Variants in KCNMA1 observed in about 807,000 individuals in gnomAD.
The protein encoded by KCNMA1 is Calcium-activated potassium channel subunit alpha-1.
Under a neutral mutation model 140.0 loss-of-function variants are expected in KCNMA1, and 29 were observed. The observed-to-expected ratio is 0.21, with a 90% CI of 0.15 to 0.28. KCNMA1 has a LOEUF of 0.28. Among genes scored for constraint, KCNMA1 ranks in the 10% least tolerant of loss-of-function variants. KCNMA1 has a pLI of 1.00. For synonymous variants in KCNMA1, 612 were observed against 611.9 expected, an observed-to-expected ratio of 1.00 and a Z score of 0.00; for missense variants, 880 against 1,602.2, an observed-to-expected ratio of 0.55 and a Z score of 7.70.
chr10:77,515,349 C>A lies in KCNMA1; in HGVS notation c.379-111326G>T, dbSNP rs538785347. ...CAATCCAGATTTTTATCCAAAATCT[C>A]CTTTGTAAATATAGGCAATTGATGA... On this transcript the variant is annotated intron_variant, in intron 1 of 27. Transcript: ENST00000286628. Among the ~76,000 whole-genome samples the A allele has an allele frequency of 4.6e-5, 7 of 152,136 alleles. 1 individual carries two copies. The South Asian group carries it at 1.5e-3, about 32-fold the overall frequency.
chr10:76,887,058 C>T lies in KCNMA1; in HGVS notation c.*208G>A. The T allele has an allele frequency of 2.0e-6, 3 of 1,474,546 alleles. No individual in the cohort carries two copies. The highest frequency in any genetic ancestry group is 2.7e-6 in the Non-Finnish European group (3 of 1,114,578). The allele number at this position is 1,474,546 out of a possible 1,614,324, so 91.3% of individuals were successfully genotyped here. A position where few individuals can be genotyped will look rare whatever the true frequency, so the allele number is the denominator to read the frequency against. On this transcript the variant is annotated 3_prime_UTR_variant, in exon 28 of 28. Coordinates refer to ENST00000286628, the MANE Select transcript of KCNMA1 (RefSeq NM_001161352.2). ...CCCAGAATCATAAATAACTTTTGGT[C>T]CGTCTGCTTATTTGCTGTTGTGCTC...
At position 77,619,222 on chromosome 10, in the gene KCNMA1, C is replaced by T. The variant is rs371482232; in HGVS notation, c.378+18043G>A. Among the ~76,000 whole-genome samples, 17 of 152,240 alleles carry T rather than the reference C, an allele frequency of 1.1e-4. No individual in the cohort carries two copies. In the East Asian group the frequency reaches 1.4e-3, roughly 12 times the overall value. ...AGGGATCAGCTGGTGGGTTCATCTC[C>T]AATCTATGTCAACTGGGGTTGGAGG... On this transcript the variant is annotated intron_variant, in intron 1 of 27. Transcript: ENST00000286628.
At chr10:77,253,534 C>T (rs2060096245) in intron 2 of KCNMA1, among the ~76,000 whole-genome samples, 1 of 152,204 alleles carries the variant, frequency 6.6e-6, no homozygotes, top group African/African-American at 2.4e-5. Flanking sequence ...CTAATGCATT[C>T]CTTATTTAAG....
At chr10:77,547,164 G>A (rs2061623023) in intron 1 of KCNMA1, among the ~76,000 whole-genome samples, 1 of 152,120 alleles carries the variant, frequency 6.6e-6, no homozygotes, top group South Asian at 2.1e-4. Flanking sequence ...TACTAGGAGT[G>A]TTCAAATTTC....
rs550620135 is a variant in KCNMA1 at position 77,275,970 on chromosome 10, T to C, written c.541-24714A>G. On this transcript the variant is annotated intron_variant, in intron 2 of 27. Coordinates refer to ENST00000286628, the MANE Select transcript of KCNMA1 (RefSeq NM_001161352.2). Reference sequence around the variant, plus strand: ...GGGAATCCTCACCAGCCCTGTCCCATGTCAAGTTCTTTATGCCTCTGAACC... The same window carrying C: ...GGGAATCCTCACCAGCCCTGTCCCACGTCAAGTTCTTTATGCCTCTGAACC... Among the ~76,000 whole-genome samples, 7 of 152,336 alleles carry C rather than the reference T, an allele frequency of 4.6e-5. No homozygotes were observed. The South Asian group carries it at 1.4e-3, about 32-fold the overall frequency.
chr10:77,062,457 G>T (rs1309807154), intron 14 of KCNMA1, among the ~76,000 whole-genome samples: 1 of 152,112 alleles, frequency 6.6e-6, no homozygotes, highest in Non-Finnish European at 1.5e-5. Context: ...CTATCATACT[G>T]CACTGTAACC....
intron 14 of KCNMA1, among the ~76,000 whole-genome samples, chr10:77,046,403 A>G (rs1159083684): frequency 6.6e-6 from 1 of 152,186 alleles, no homozygotes; most frequent in Non-Finnish European, 1.5e-5. Flanking sequence ...AAAACCCCAC[A>G]AAATGTGTCA....
At chr10:77,598,206 A>G (rs900802573) in intron 1 of KCNMA1, among the ~76,000 whole-genome samples, 1 of 152,106 alleles carries the variant, frequency 6.6e-6, no homozygotes, top group Admixed American at 6.5e-5. Context: ...CATGACCTCA[A>G]GTGATCCGCC....
rs780566555 is a variant in KCNMA1 at position 77,001,480 on chromosome 10, G to A, written c.2193C>T (p.Asn731=). Residue 731 remains asparagine, a synonymous_variant, in exon 19 of 28, where the codon AAC becomes AAT. Coordinates refer to ENST00000286628, the MANE Select transcript of KCNMA1 (RefSeq NM_001161352.2). The part of the protein sequence containing the change: ...CSCMSGRVRG[N]VDTLERAFPL... ...GGAAGGCTCTCTCAAGGGTGTCCAC[G>A]TTACCACGCACACGGCCTGACATGC... The A allele has an allele frequency of 3.3e-5, 51 of 1,551,806 alleles. No homozygotes were observed. The East Asian group carries it at 5.4e-4, about 16-fold the overall frequency.
intron 1 of KCNMA1, among the ~76,000 whole-genome samples, chr10:77,606,905 C>T (rs1007848306): frequency 6.6e-6 from 1 of 152,206 alleles, no homozygotes; most frequent in Non-Finnish European, 1.5e-5. Flanking sequence ...CCGTGCAACC[C>T]TTGCACCCTC....
chr10:77,629,324 T>C (rs1417126130), intron 1 of KCNMA1, among the ~76,000 whole-genome samples: 1 of 152,218 alleles, frequency 6.6e-6, no homozygotes, highest in Non-Finnish European at 1.5e-5. Context: ...CTGCCCATTA[T>C]GAACTAAATC....
intron 19 of KCNMA1, among the ~76,000 whole-genome samples, chr10:76,984,357 T>C (rs1352009546): frequency 6.6e-6 from 1 of 151,982 alleles, no homozygotes; most frequent in Non-Finnish European, 1.5e-5. Flanking sequence ...ACCTGACTAA[T>C]GTTTGTATTT....
intron 3 of KCNMA1, among the ~76,000 whole-genome samples, chr10:77,191,801 T>C (rs2098940735): frequency 6.6e-6 from 1 of 152,148 alleles, no homozygotes; most frequent in African/African-American, 2.4e-5. Context: ...TACTCTGCAG[T>C]ACTGATCGAT....
chr10:77,068,812 T>C (rs2096065563), intron 14 of KCNMA1, among the ~76,000 whole-genome samples: 1 of 134,374 alleles, frequency 7.4e-6, no homozygotes, highest in Admixed American at 7.8e-5. Flanking sequence ...GAAGTCCCAA[T>C]GTACATTGAA....
intron 23 of KCNMA1, among the ~76,000 whole-genome samples, chr10:76,918,918 T>TCACACA (rs71477059): frequency 0.04 from 5,791 of 144,088 alleles, 124 homozygotes; most frequent in East Asian, 0.051. Context: ...ATATATCACA[T>TCACACA]CACACACACA....
At chr10:76,910,289 A>T in intron 24 of KCNMA1, 193 bp from the exon 25 acceptor site, 1 of 606,336 alleles carries the variant, frequency 1.6e-6, no homozygotes, top group Non-Finnish European at 3.0e-6. Flanking sequence ...TCACTGTTTA[A>T]GTGTCTGAGA....
rs2068730795 is a variant in KCNMA1 at position 77,567,385 on chromosome 10, A to ACCTTTTAGCCGCCAGCCTC, written c.378+69861_378+69879dup. On this transcript the variant is annotated intron_variant, in intron 1 of 27. Transcript: ENST00000286628. Reference sequence around the variant, plus strand: ...AGACTGACCTTCTGGCTGGCAGCCTACCTTTTAGCCGCCAGCCTCCTCCAT... The same window carrying ACCTTTTAGCCGCCAGCCTC: ...AGACTGACCTTCTGGCTGGCAGCCTACCTTTTAGCCGCCAGCCTCCCTTTTAGCCGCCAGCCTCCTCCAT... 1.3e-5 allele frequency among the ~76,000 whole-genome samples: 2 copies of ACCTTTTAGCCGCCAGCCTC among 152,164 alleles called. 1 individual carries two copies. Among genetic ancestry groups the ACCTTTTAGCCGCCAGCCTC allele is most frequent in the South Asian group, 4.1e-4 (2 of 4,822 alleles).
intron 19 of KCNMA1, among the ~76,000 whole-genome samples, 173 bp downstream of exon 19, chr10:77,001,234 T>C (rs2086329996): frequency 6.6e-6 from 1 of 152,028 alleles, no homozygotes; most frequent in African/African-American, 2.4e-5. Context: ...GAGGCCTTCC[T>C]AGGCACGTAC....
At chr10:77,609,797 G>C (rs2086106493) in intron 1 of KCNMA1, among the ~76,000 whole-genome samples, 1 of 151,456 alleles carries the variant, frequency 6.6e-6, no homozygotes, top group Admixed American at 6.6e-5. Flanking sequence ...CCTGCGTCAG[G>C]AACAAGAGGA....
Sources: allele counts gnomAD v4.1 joint callset (sites outside exome capture counted in the v4.1 genomes callset), GRCh38; gene constraint gnomAD v4.1.1; transcripts MANE v1.5; gene names NCBI Gene and HGNC (gene_info 2026-07-23, HGNC 2026-07-21).